LRRTM3: variants seen among roughly 807,000 people sequenced by gnomAD.
The protein encoded by LRRTM3 is leucine-rich repeat transmembrane neuronal protein 3.
In LRRTM3, 24 loss-of-function variants were observed where a neutral mutation model predicts 44.7. The observed-to-expected ratio is 0.54, with a 90% CI of 0.39 to 0.76. The LOEUF is 0.76. LRRTM3 is among the 30% of genes least tolerant of loss of function. The pLI, the probability that LRRTM3 is intolerant of heterozygous loss-of-function variation, is 0.00. For missense variants in LRRTM3, 587 were observed against 702.2 expected, an observed-to-expected ratio of 0.84 and a Z score of 1.85; for synonymous variants, 277 against 278.7, an observed-to-expected ratio of 0.99 and a Z score of 0.06.
At chr10:66,968,812 T>C (rs1020381173) in intron 2 of LRRTM3, among the ~76,000 whole-genome samples, 3 of 151,934 alleles carry the variant, frequency 2.0e-5, no homozygotes, top group African/African-American at 7.3e-5. Context: ...AGGTCAGGAG[T>C]TTAAGACGAG....
chr10:66,990,608 G>A (rs1431164279), intron 2 of LRRTM3, among the ~76,000 whole-genome samples: 1 of 152,112 alleles, frequency 6.6e-6, no homozygotes, highest in Non-Finnish European at 1.5e-5. Flanking sequence ...GAGGTCAAAT[G>A]TTGCTCAAGA....
At chr10:67,092,318 A>G (rs192437250) in intron 2 of LRRTM3, among the ~76,000 whole-genome samples, 2 of 151,992 alleles carry the variant, frequency 1.3e-5, no homozygotes, top group African/African-American at 2.4e-5. Context: ...ATATTTATAC[A>G]TACTAAAATC....
At chr10:66,986,234 G>A (rs1035102766) in intron 2 of LRRTM3, among the ~76,000 whole-genome samples, 3 of 151,900 alleles carry the variant, frequency 2.0e-5, no homozygotes, top group Admixed American at 6.6e-5. Flanking sequence ...ATGGTGGCTC[G>A]TACCTGTAAT....
At chr10:67,077,615 G>C (rs944103524) in intron 2 of LRRTM3, among the ~76,000 whole-genome samples, 4 of 152,090 alleles carry the variant, frequency 2.6e-5, no homozygotes, top group African/African-American at 9.7e-5. Context: ...AATCTTCTAT[G>C]ATGCAACTCC....
At chr10:67,016,192 G>A (rs933979781) in intron 2 of LRRTM3, among the ~76,000 whole-genome samples, 5 of 152,118 alleles carry the variant, frequency 3.3e-5, no homozygotes, top group African/African-American at 1.2e-4. Context: ...CTTTCTGATC[G>A]CTACTCCTCT....
At chr10:67,008,344 G>A (rs533348177) in intron 2 of LRRTM3, among the ~76,000 whole-genome samples, 22 of 151,684 alleles carry the variant, frequency 1.5e-4, no homozygotes, top group African/African-American at 2.2e-4. Context: ...TTTAATTTTC[G>A]TTCTGAATTT....
At chr10:67,074,342 C>CTTTTT (rs36186252) in intron 2 of LRRTM3, among the ~76,000 whole-genome samples, 5 of 68,726 alleles carry the variant, frequency 7.3e-5, no homozygotes, top group African/African-American at 2.8e-4. Flanking sequence ...CACTTTAACT[C>CTTTTT]TTTTTTTTTT....
At chr10:67,014,026 G>A (rs1852501725) in intron 2 of LRRTM3, among the ~76,000 whole-genome samples, 2 of 151,904 alleles carry the variant, frequency 1.3e-5, no homozygotes, top group South Asian at 4.1e-4. Context: ...AAGTGATGAA[G>A]GACAGAGACA....
rs1251587838 is a variant in LRRTM3, at chr10:67,100,956, AG to A, written c.*3161del. On this transcript the variant is annotated 3_prime_UTR_variant, in exon 3 of 3. Coordinates refer to ENST00000361320, the MANE Select transcript of LRRTM3 (RefSeq NM_178011.5). ...TTCCAGAGATAATGGATAGAATGAAAGAATATATATCTATATATATTTGACA... is the reference window on the plus strand; with the variant it reads ...TTCCAGAGATAATGGATAGAATGAAAAATATATATCTATATATATTTGACA... 6.6e-6 allele frequency among the ~76,000 whole-genome samples: 1 copy of A among 151,732 alleles called. No individual in the cohort carries two copies. The highest frequency in any genetic ancestry group is 1.5e-5 in the Non-Finnish European group (1 of 67,800).
At chr10:67,083,021 T>A (rs1322781888) in intron 2 of LRRTM3, among the ~76,000 whole-genome samples, 2 of 152,164 alleles carry the variant, frequency 1.3e-5, no homozygotes, top group African/African-American at 4.8e-5. Flanking sequence ...GCCACCTGTG[T>A]GTTCTCACAA....
intron 2 of LRRTM3, among the ~76,000 whole-genome samples, chr10:66,953,120 C>T (rs1233388284): frequency 6.6e-6 from 1 of 152,128 alleles, no homozygotes; most frequent in Non-Finnish European, 1.5e-5. Context: ...TCAGGTCTGA[C>T]CTCGGTTATC....
At chr10:66,950,291 G>T (rs1285306710) in intron 2 of LRRTM3, among the ~76,000 whole-genome samples, 1 of 151,660 alleles carries the variant, frequency 6.6e-6, no homozygotes, top group Non-Finnish European at 1.5e-5. Flanking sequence ...TTTCTAACTT[G>T]AAGTATATTT....
intron 2 of LRRTM3, among the ~76,000 whole-genome samples, chr10:66,976,685 C>T (rs952551244): frequency 2.6e-5 from 4 of 152,198 alleles, no homozygotes; most frequent in Non-Finnish European, 5.9e-5. Context: ...TTCTGCCACA[C>T]TGATCTATTT....
intron 2 of LRRTM3, among the ~76,000 whole-genome samples, chr10:66,929,783 GT>G (rs1847268977): frequency 2.0e-5 from 3 of 152,220 alleles, no homozygotes; most frequent in African/African-American, 7.2e-5. Flanking sequence ...ATTGGTGAAA[GT>G]TTATTGACTG....
At chr10:67,022,980 C>T (rs1191240422) in intron 2 of LRRTM3, among the ~76,000 whole-genome samples, 1 of 151,846 alleles carries the variant, frequency 6.6e-6, no homozygotes, top group African/African-American at 2.4e-5. Flanking sequence ...ACAAAATTTT[C>T]TGAGTGAAAT....
intron 2 of LRRTM3, among the ~76,000 whole-genome samples, chr10:67,020,147 A>C (rs941320755): frequency 2.6e-5 from 4 of 152,210 alleles, no homozygotes; most frequent in African/African-American, 9.6e-5. Flanking sequence ...GGACAGAATT[A>C]TAGTATTTTT....
intron 2 of LRRTM3, among the ~76,000 whole-genome samples, chr10:67,018,868 G>C (rs1852817301): frequency 6.6e-6 from 1 of 152,236 alleles, no homozygotes; most frequent in South Asian, 2.1e-4. Context: ...AGAGACGCCA[G>C]TCAATGTGTT....
intron 2 of LRRTM3, among the ~76,000 whole-genome samples, chr10:66,931,379 G>C (rs142889852): frequency 2.3e-3 from 354 of 152,224 alleles, no homozygotes; most frequent in African/African-American, 8.0e-3. Context: ...CAGTGCCACA[G>C]TCTTGTAAGC....
At chr10:67,092,308 A>T (rs1379767080) in intron 2 of LRRTM3, among the ~76,000 whole-genome samples, 1 of 151,996 alleles carries the variant, frequency 6.6e-6, no homozygotes, top group Non-Finnish European at 1.5e-5. Context: ...ATGAGTAGAG[A>T]TATTTATACA....
Sources: gnomAD v4.1 joint callset for allele counts (sites outside exome capture counted in the v4.1 genomes callset) on GRCh38, gnomAD v4.1.1 for gene constraint, MANE v1.5 for transcripts, NCBI Gene and HGNC (gene_info 2026-07-23, HGNC 2026-07-21) for gene names.